Variants in COBL observed in about 807,000 individuals in gnomAD.
COBL encodes protein cordon-bleu.
In COBL, 51 loss-of-function variants were observed where a neutral mutation model predicts 98.8. The ratio of observed to expected loss-of-function variants is 0.52; its 90% CI spans 0.41 to 0.65. The LOEUF (loss-of-function observed/expected upper bound fraction) is 0.65. Ranked by LOEUF, COBL falls within the 30% of genes least tolerant of loss-of-function variation. The pLI is 0.00. For synonymous variants in COBL, 634 were observed against 651.7 expected (o/e 0.97, Z 0.41); for missense variants, 1,617 against 1,617.5 (o/e 1.00, Z 0.01).
chr7:51,067,460 AC>A (rs1185478286), intron 7 of COBL, among the ~76,000 whole-genome samples: 1 of 152,258 alleles, frequency 6.6e-6, no homozygotes, highest in Admixed American at 6.5e-5. Context: ...GCATACATGC[AC>A]TGTATATACA....
At chr7:51,263,399 T>C (rs1797895231) in intron 1 of COBL, among the ~76,000 whole-genome samples, 2 of 152,200 alleles carry the variant, frequency 1.3e-5, no homozygotes, top group Admixed American at 1.3e-4. Flanking sequence ...TTTCACAAAC[T>C]GCTTTTGGCA....
chr7:51,194,561 T>A (rs768521886), intron 2 of COBL, among the ~76,000 whole-genome samples: 3 of 152,198 alleles, frequency 2.0e-5, no homozygotes, highest in Non-Finnish European at 4.4e-5. Context: ...ATGGTTGAAC[T>A]AATTTACAAT....
intron 7 of COBL, among the ~76,000 whole-genome samples, chr7:51,077,806 G>T (rs1262472227): frequency 1.3e-5 from 2 of 151,492 alleles, no homozygotes; most frequent in African/African-American, 2.4e-5. Flanking sequence ...AGTGTAGGTG[G>T]AGGCTAGATT....
At chr7:51,262,028 T>C (rs946263378) in intron 1 of COBL, among the ~76,000 whole-genome samples, 3 of 152,134 alleles carry the variant, frequency 2.0e-5, no homozygotes, top group African/African-American at 7.2e-5. Flanking sequence ...AGTCCAAAGC[T>C]GCCAGGAGAG....
At chr7:51,236,644 A>G (rs1795281489) in intron 1 of COBL, among the ~76,000 whole-genome samples, 2 of 152,016 alleles carry the variant, frequency 1.3e-5, no homozygotes. Flanking sequence ...ACTAACAGGG[A>G]GGGGCTTGGG....
At chr7:51,177,819 A>T (rs540854069) in intron 5 of COBL, among the ~76,000 whole-genome samples, 7 of 144,546 alleles carry the variant, frequency 4.8e-5, no homozygotes, top group African/African-American at 1.8e-4. Context: ...AATAAATAAA[A>T]ATTTAAAAGG....
chr7:51,109,088 C>T (rs905652368), intron 6 of COBL, among the ~76,000 whole-genome samples: 2 of 152,210 alleles, frequency 1.3e-5, no homozygotes, highest in Admixed American at 1.3e-4. Flanking sequence ...GCCCAGTGTT[C>T]TGATGGTCAC....
At chr7:51,059,968 C>T (rs1456051622) in intron 7 of COBL, among the ~76,000 whole-genome samples, 1 of 150,060 alleles carries the variant, frequency 6.7e-6, no homozygotes, top group Non-Finnish European at 1.5e-5. Flanking sequence ...GAGACATCTG[C>T]TCCTGATTTG....
Position 51,283,086 on chromosome 7 carries a change from C to T in COBL, c.41+33507G>A, listed in dbSNP as rs893933128. Among the ~76,000 whole-genome samples the T allele has an allele frequency of 6.6e-5, 10 of 152,198 alleles. 1 individual carries two copies. The highest frequency in any genetic ancestry group is 5.2e-4 in the Admixed American group (8 of 15,290). On this transcript the variant is annotated intron_variant, in intron 1 of 12. Transcript: ENST00000265136. ...TATATAAGAGAGGAAAATTCTCAAA[C>T]TAATCATTTAAACCTCCATTTAAAT...
chr7:51,102,066 G>T (rs1795855988), intron 6 of COBL, among the ~76,000 whole-genome samples: 1 of 152,136 alleles, frequency 6.6e-6, no homozygotes, highest in Non-Finnish European at 1.5e-5. Context: ...AGAAAACCAG[G>T]AAGAGATCAC....
At chr7:51,269,663 C>CCACT (rs1311829887) in intron 1 of COBL, among the ~76,000 whole-genome samples, 1 of 152,218 alleles carries the variant, frequency 6.6e-6, no homozygotes, top group Non-Finnish European at 1.5e-5. Context: ...AATGCCACAG[C>CCACT]CACTTGGTTT....
chr7:51,302,014 G>A (rs1291119414), intron 1 of COBL, among the ~76,000 whole-genome samples: 1 of 152,176 alleles, frequency 6.6e-6, no homozygotes, highest in Non-Finnish European at 1.5e-5. Context: ...TCCCCTGGTT[G>A]GCTCTGACAG....
intron 2 of COBL, among the ~76,000 whole-genome samples, chr7:51,213,845 C>T (rs1483434135): frequency 1.3e-5 from 2 of 152,118 alleles, no homozygotes; most frequent in East Asian, 3.9e-4. Context: ...CACACACCTC[C>T]TGGGGCCAAG....
chr7:51,027,616 G>A (rs1290681677), intron 10 of COBL, 96 bp downstream of exon 10: 25 of 1,051,812 alleles, frequency 2.4e-5, no homozygotes, highest in East Asian at 7.2e-5. Flanking sequence ...TCCTAATCCC[G>A]TCTCTCTCTC....
intron 1 of COBL, among the ~76,000 whole-genome samples, chr7:51,250,853 GC>G (rs1332952951): frequency 9.2e-5 from 14 of 152,146 alleles, no homozygotes; most frequent in African/African-American, 3.4e-4. Context: ...ATGCTGGAAG[GC>G]CCAAAAGACT....
chr7:51,145,527 C>T lies in COBL; in HGVS notation c.784-9196G>A, dbSNP rs990179708. ...CTGAGTAGCTGGGATTACAGGTACC[C>T]GCCACCATGCCCAGCTAATTTTTGT... On this transcript the variant is annotated intron_variant, in intron 5 of 12. Transcript: ENST00000265136. Among the ~76,000 whole-genome samples, 5 of 151,452 alleles carry T rather than the reference C, an allele frequency of 3.3e-5. No homozygotes were observed. The East Asian group carries it at 7.8e-4, about 24-fold the overall frequency.
Position 51,215,901 on chromosome 7 carries a change from C to A in COBL, c.245+3840G>T, listed in dbSNP as rs1792989217. ...AAGGAACATGGAGACCCAACACCTG[C>A]TGCTGCAAGAGTCCTGTGCTGTTTC... On this transcript the variant is annotated intron_variant, in intron 2 of 12. Coordinates refer to ENST00000265136, the MANE Select transcript of COBL (RefSeq NM_015198.5). Among the ~76,000 whole-genome samples, 7 of 152,382 alleles carry A rather than the reference C, an allele frequency of 4.6e-5. No homozygotes were observed. In the South Asian group the frequency reaches 1.4e-3, roughly 32 times the overall value.
At chr7:51,196,537 T>G (rs1790613864) in intron 2 of COBL, among the ~76,000 whole-genome samples, 1 of 151,892 alleles carries the variant, frequency 6.6e-6, no homozygotes, top group South Asian at 2.1e-4. Context: ...AGAGGAGTCC[T>G]TCCTCTTTAT....
At chr7:51,036,769 G>A (rs991748630) in intron 8 of COBL, among the ~76,000 whole-genome samples, 1 of 152,096 alleles carries the variant, frequency 6.6e-6, no homozygotes, top group Non-Finnish European at 1.5e-5. Flanking sequence ...CTCTACCTTT[G>A]GTGGCTCTGC....
Sources: allele counts gnomAD v4.1 joint callset (sites outside exome capture counted in the v4.1 genomes callset), GRCh38; gene constraint gnomAD v4.1.1; transcripts MANE v1.5; gene names NCBI Gene and HGNC (gene_info 2026-07-23, HGNC 2026-07-21).